MXI1: variants seen among roughly 807,000 people sequenced by gnomAD.
MXI1 encodes max-interacting protein 1.
Under a neutral mutation model 36.9 loss-of-function variants are expected in MXI1, and 18 were observed. That is an observed-to-expected ratio of 0.49 (90% confidence interval 0.34 to 0.72). The LOEUF is 0.72. Ranked by LOEUF, MXI1 falls within the 30% of genes least tolerant of loss-of-function variation. The pLI, the probability that MXI1 is intolerant of heterozygous loss-of-function variation, is 0.01. For missense variants in MXI1, 304 were observed against 379.1 expected, an observed-to-expected ratio of 0.80 and a Z score of 1.64; for synonymous variants, 160 against 146.7, an observed-to-expected ratio of 1.09 and a Z score of -0.65.
At chr10:110,240,605 G>A (rs1855637386) in intron 2 of MXI1, among the ~76,000 whole-genome samples, 1 of 151,984 alleles carries the variant, frequency 6.6e-6, no homozygotes. Flanking sequence ...AAGTTTTACT[G>A]TTCCACTAAT....
At chr10:110,233,219 A>G (rs1050407368) in intron 2 of MXI1, among the ~76,000 whole-genome samples, 11 of 152,204 alleles carry the variant, frequency 7.2e-5, no homozygotes, top group African/African-American at 2.7e-4. Flanking sequence ...GTTGTTTATA[A>G]GGCTTTAGTT....
At chr10:110,219,607 C>G (rs1012952902) in intron 1 of MXI1, among the ~76,000 whole-genome samples, 1 of 152,214 alleles carries the variant, frequency 6.6e-6, no homozygotes, top group South Asian at 2.1e-4. Context: ...TTGTGATCAT[C>G]CCAGAACTCC....
intron 1 of MXI1, chr10:110,227,580 G>T: frequency 1.1e-6 from 1 of 924,622 alleles, no homozygotes; most frequent in Non-Finnish European, 1.3e-6. Flanking sequence ...CACGGATGCT[G>T]GGGGGGGTCA....
chr10:110,273,293 C>T (rs148974918), intron 3 of MXI1, among the ~76,000 whole-genome samples: 7,585 of 151,832 alleles, frequency 0.05, 463 homozygotes, highest in East Asian at 0.27. Flanking sequence ...ATGATCCGCC[C>T]GCCTCGGCCT....
intron 3 of MXI1, among the ~76,000 whole-genome samples, chr10:110,270,519 G>A (rs1856823951): frequency 6.6e-6 from 1 of 151,624 alleles, no homozygotes; most frequent in African/African-American, 2.4e-5. Context: ...AAAAATAGTT[G>A]TTTATATGTT....
At chr10:110,283,214 A>G (rs1439516095) in intron 5 of MXI1, among the ~76,000 whole-genome samples, 1 of 152,006 alleles carries the variant, frequency 6.6e-6, no homozygotes, top group Non-Finnish European at 1.5e-5. Flanking sequence ...TTTGAAAAGT[A>G]TATTCCTGGA....
chr10:110,216,665 G>GTTTTTTTTTTTTTCTTTTTT (rs1854646409), intron 1 of MXI1, among the ~76,000 whole-genome samples: 1 of 79,060 alleles, frequency 1.3e-5, no homozygotes, highest in Non-Finnish European at 2.0e-5. Context: ...TGTGTTTAAT[G>GTTTTTTTTTTTTTCTTTTTT]TTTTTTTTTT....
rs975756508 is a variant in MXI1, at chr10:110,268,004, G to A, written c.438-11176G>A. ...CATCCTGCAGTATCTGAAAGGAAAT[G>A]TAGCCAAGATTGGAAAATTTAACCT... On this transcript the variant is annotated intron_variant, in intron 3 of 5. Coordinates refer to ENST00000332674, the MANE Select transcript of MXI1 (RefSeq NM_130439.3). Among the ~76,000 whole-genome samples the A allele has an allele frequency of 1.1e-4, 17 of 152,322 alleles. No homozygotes were observed. In the East Asian group the frequency reaches 3.3e-3, roughly 29 times the overall value.
At chr10:110,280,251 T>C (rs1590410688) in intron 5 of MXI1, among the ~76,000 whole-genome samples, 166 bp downstream of exon 5, 2 of 152,104 alleles carry the variant, frequency 1.3e-5, no homozygotes, top group South Asian at 2.1e-4. Flanking sequence ...GTGTGGACTA[T>C]AAAACTTTTT....
At chr10:110,251,927 T>G (rs1460103128) in intron 3 of MXI1, among the ~76,000 whole-genome samples, 1 of 152,114 alleles carries the variant, frequency 6.6e-6, no homozygotes, top group African/African-American at 2.4e-5. Context: ...GACTGTGGAA[T>G]GTTACTGAAT....
At chr10:110,284,392 T>C (rs564535181) in intron 5 of MXI1, among the ~76,000 whole-genome samples, 2 of 152,184 alleles carry the variant, frequency 1.3e-5, no homozygotes, top group African/African-American at 2.4e-5. Context: ...GATGGGTAAA[T>C]TTTCTAGTTT....
rs144193921 is a variant in MXI1, at chr10:110,284,837, G to A, written c.738G>A (p.Val246=). 1 of 1,602,702 alleles carries A rather than the reference G, an allele frequency of 6.2e-7. No homozygotes were observed. Among genetic ancestry groups the A allele is most frequent in the South Asian group, 1.1e-5 (1 of 88,768 alleles). The change falls in exon 6 of 6, where the codon GTG becomes GTA. Residue 246 remains valine, a synonymous_variant. Transcript: ENST00000332674. ...RSDSEREEIE[V]DVESTEFSHG... ...TTCCTTTGGCAGAGGAGATTGAAGTGGATGTTGAAAGCACAGAGTTCTCCC... is the reference window on the plus strand; with the variant it reads ...TTCCTTTGGCAGAGGAGATTGAAGTAGATGTTGAAAGCACAGAGTTCTCCC...
At chr10:110,252,611 G>A (rs1044140875) in intron 3 of MXI1, among the ~76,000 whole-genome samples, 6 of 151,966 alleles carry the variant, frequency 3.9e-5, no homozygotes, top group African/African-American at 1.5e-4. Context: ...ATATCTGTCT[G>A]AGTTATTTAT....
At chr10:110,258,144 A>G (rs1169267277) in intron 3 of MXI1, among the ~76,000 whole-genome samples, 1 of 152,180 alleles carries the variant, frequency 6.6e-6, no homozygotes, top group Non-Finnish European at 1.5e-5. Context: ...GGAAAGGAAA[A>G]ACAACATTGT....
At chr10:110,241,566 A>G (rs1855671203) in intron 2 of MXI1, among the ~76,000 whole-genome samples, 1 of 151,682 alleles carries the variant, frequency 6.6e-6, no homozygotes, top group Non-Finnish European at 1.5e-5. Context: ...TCTCTCTGTA[A>G]TATACTCCTA....
At chr10:110,254,221 T>C (rs1349181449) in intron 3 of MXI1, among the ~76,000 whole-genome samples, 9 of 152,158 alleles carry the variant, frequency 5.9e-5, no homozygotes, top group Non-Finnish European at 1.3e-4. Flanking sequence ...TTTTGCAATA[T>C]TTTAAACTTT....
At position 110,285,552 on chromosome 10, in the gene MXI1, A is replaced by G. The variant is rs1254293193; in HGVS notation, c.*565A>G. The G allele has an allele frequency of 6.6e-6, 1 of 151,498 alleles. No homozygotes were observed. The highest frequency in any genetic ancestry group is 1.5e-5 in the Non-Finnish European group (1 of 67,856). 9.4% of individuals were successfully genotyped at this position (151,498 alleles called of 1,614,324 possible). A position where few individuals can be genotyped will look rare whatever the true frequency, so the allele number is the denominator to read the frequency against. On this transcript the variant is annotated 3_prime_UTR_variant, in exon 6 of 6. Coordinates refer to ENST00000332674, the MANE Select transcript of MXI1 (RefSeq NM_130439.3). ...TATTTTTTTTTTTTGAAAAAAGCTC[A>G]TTTCATGCTCTGCAAAAGGAGAGAC... is the stretch of plus-strand genomic sequence containing the variant.
chr10:110,223,922 G>C (rs1244394480), intron 1 of MXI1, among the ~76,000 whole-genome samples: 1 of 151,994 alleles, frequency 6.6e-6, no homozygotes, highest in Non-Finnish European at 1.5e-5. Context: ...GTGGTGCCAA[G>C]TGTAATATTT....
intron 3 of MXI1, among the ~76,000 whole-genome samples, chr10:110,256,562 C>T (rs1002497533): frequency 7.9e-6 from 1 of 126,974 alleles, no homozygotes; most frequent in Non-Finnish European, 1.6e-5. Flanking sequence ...GACATTGTGC[C>T]ACTGCACTCC....
Sources: gnomAD v4.1 joint callset for allele counts (sites outside exome capture counted in the v4.1 genomes callset) on GRCh38, gnomAD v4.1.1 for gene constraint, MANE v1.5 for transcripts, NCBI Gene and HGNC (gene_info 2026-07-23, HGNC 2026-07-21) for gene names.